Variants in DGKI observed in about 807,000 individuals in gnomAD.
DGKI encodes diacylglycerol kinase iota.
In DGKI, 55 loss-of-function variants were observed where a neutral mutation model predicts 147.5. The ratio of observed to expected loss-of-function variants is 0.37; its 90% CI spans 0.30 to 0.47. DGKI has a LOEUF of 0.47. Among genes scored for constraint, DGKI ranks in the 20% least tolerant of loss-of-function variants. The pLI, the probability that DGKI is intolerant of heterozygous loss-of-function variation, is 1.00. For synonymous variants in DGKI, 469 were observed against 477.1 expected (o/e 0.98, Z 0.22); for missense variants, 1,007 against 1,323.8 (o/e 0.76, Z 3.71).
At chr7:137,815,246 G>A (rs1040378435) in intron 1 of DGKI, among the ~76,000 whole-genome samples, 2 of 152,120 alleles carry the variant, frequency 1.3e-5, no homozygotes, top group African/African-American at 4.8e-5. Flanking sequence ...CACCCGAGAG[G>A]AGGGAGAATT....
At chr7:137,403,278 G>C (rs111424263) in intron 30 of DGKI, among the ~76,000 whole-genome samples, 1 of 152,186 alleles carries the variant, frequency 6.6e-6, no homozygotes, top group Non-Finnish European at 1.5e-5. Context: ...GCAGCATGCT[G>C]TATAGATGAG....
intron 32 of DGKI, among the ~76,000 whole-genome samples, chr7:137,394,142 T>C (rs1811462615): frequency 6.6e-6 from 1 of 152,164 alleles, no homozygotes; most frequent in Non-Finnish European, 1.5e-5. Context: ...GAGAGTGTTC[T>C]AAAACTCTCA....
At chr7:137,529,324 C>A (rs1012378468) in intron 20 of DGKI, among the ~76,000 whole-genome samples, 2 of 151,950 alleles carry the variant, frequency 1.3e-5, no homozygotes, top group Non-Finnish European at 2.9e-5. Flanking sequence ...CACAGACTTA[C>A]AAAACTTTTT....
chr7:137,833,358 T>C (rs968128747), intron 1 of DGKI, among the ~76,000 whole-genome samples: 2 of 152,260 alleles, frequency 1.3e-5, no homozygotes, highest in South Asian at 2.1e-4. Flanking sequence ...GAACAAATCA[T>C]GTCTTACATG....
intron 8 of DGKI, among the ~76,000 whole-genome samples, chr7:137,614,229 A>G (rs553872423): frequency 6.6e-6 from 1 of 152,302 alleles, no homozygotes; most frequent in East Asian, 1.9e-4. Context: ...CAGCCCAGTG[A>G]GATTCATGAG....
intron 1 of DGKI, among the ~76,000 whole-genome samples, chr7:137,788,665 T>TAC (rs1324719203): frequency 3.6e-4 from 23 of 63,588 alleles, no homozygotes; most frequent in Admixed American, 1.1e-3. Flanking sequence ...CACACACACA[T>TAC]ACACACACAC....
intron 28 of DGKI, among the ~76,000 whole-genome samples, chr7:137,427,927 A>T (rs1191605732): frequency 3.3e-5 from 5 of 151,258 alleles, no homozygotes; most frequent in Admixed American, 1.3e-4. Context: ...CCAACCAAAA[A>T]GAGTCCACGA....
At position 137,618,144 on chromosome 7, in the gene DGKI, TATA is replaced by T. The variant is rs1489597980; in HGVS notation, c.993+1677_993+1679del. On this transcript the variant is annotated intron_variant, in intron 8 of 32. Transcript: ENST00000614521. Reference sequence around the variant, plus strand: ...CTAAAATACTATATATATATATATATATATATATTTTTTTTTTTTTACTCTATC... The same window carrying T: ...CTAAAATACTATATATATATATATATTATATTTTTTTTTTTTTACTCTATC... Among the ~76,000 whole-genome samples, 87 of 14,290 alleles carry T rather than the reference TATA, an allele frequency of 6.1e-3. 3 individuals carry two copies. Among genetic ancestry groups the T allele is most frequent in the African/African-American group, 0.016 (77 of 4,964 alleles). 9.4% of individuals were successfully genotyped at this position (14,290 alleles called of 152,430 possible).
At chr7:137,574,946 T>C (rs1379035253) in intron 17 of DGKI, among the ~76,000 whole-genome samples, 1 of 152,194 alleles carries the variant, frequency 6.6e-6, no homozygotes, top group Non-Finnish European at 1.5e-5. Context: ...GATGCTCTGT[T>C]GTTGGGGAGA....
At chr7:137,789,013 T>C (rs1796765213) in intron 1 of DGKI, among the ~76,000 whole-genome samples, 1 of 152,214 alleles carries the variant, frequency 6.6e-6, no homozygotes, top group Admixed American at 6.5e-5. Context: ...GTGAAGTGAA[T>C]TAATGGCTTC....
chr7:137,486,705 CAG>C (rs1295212629), intron 22 of DGKI, among the ~76,000 whole-genome samples: 1 of 152,096 alleles, frequency 6.6e-6, no homozygotes, highest in African/African-American at 2.4e-5. Flanking sequence ...CCAAGAGAAA[CAG>C]AATCAAATAT....
chr7:137,615,316 G>C (rs1820492144), intron 8 of DGKI, among the ~76,000 whole-genome samples: 1 of 152,052 alleles, frequency 6.6e-6, no homozygotes, highest in Admixed American at 6.6e-5. Flanking sequence ...CAGTGACTTA[G>C]ATAGTTCTAG....
chr7:137,615,862 G>A (rs935947831), intron 8 of DGKI, among the ~76,000 whole-genome samples: 3 of 151,902 alleles, frequency 2.0e-5, no homozygotes, highest in African/African-American at 7.3e-5. Flanking sequence ...TTAATTGTTC[G>A]GTATTACACA....
chr7:137,423,422 A>G (rs1812658717), intron 28 of DGKI, among the ~76,000 whole-genome samples: 1 of 152,180 alleles, frequency 6.6e-6, no homozygotes, highest in African/African-American at 2.4e-5. Context: ...AAGTGTACTC[A>G]TGTTTCACCC....
chr7:137,492,801 C>CT (rs1221859711), intron 21 of DGKI, among the ~76,000 whole-genome samples: 1 of 152,182 alleles, frequency 6.6e-6, no homozygotes, highest in Non-Finnish European at 1.5e-5. Context: ...TGAGTGACCC[C>CT]TGTATGCTGG....
intron 1 of DGKI, among the ~76,000 whole-genome samples, chr7:137,776,835 C>A (rs7785642): frequency 0.51 from 77,240 of 151,450 alleles, 22,782 homozygotes; most frequent in African/African-American, 0.83. Flanking sequence ...GGAGAAGAGA[C>A]GAAAAATACA....
chr7:137,585,370 A>T (rs758970078), intron 13 of DGKI, 24 bp from the exon 14 acceptor site: 1 of 1,612,016 alleles, frequency 6.2e-7, no homozygotes, highest in South Asian at 1.1e-5. Flanking sequence ...GAACATATCC[A>T]TTGCTGTCCA....
chr7:137,793,066 T>C (rs1455540530), intron 1 of DGKI, among the ~76,000 whole-genome samples: 2 of 152,226 alleles, frequency 1.3e-5, no homozygotes, highest in Admixed American at 1.3e-4. Flanking sequence ...TTGCATCAGA[T>C]AGTTTATCTC....
At chr7:137,481,837 T>G (rs1815384110) in intron 23 of DGKI, among the ~76,000 whole-genome samples, 1 of 152,046 alleles carries the variant, frequency 6.6e-6, no homozygotes, top group Admixed American at 6.6e-5. Context: ...TAGCTGCAAA[T>G]TAGTGAGCTG....
Sources: gnomAD v4.1 joint callset for allele counts (sites outside exome capture counted in the v4.1 genomes callset) on GRCh38, gnomAD v4.1.1 for gene constraint, MANE v1.5 for transcripts, NCBI Gene and HGNC (gene_info 2026-07-23, HGNC 2026-07-21) for gene names.